PHTF2: variants seen among roughly 807,000 people sequenced by gnomAD.
PHTF2 encodes the protein putative homeodomain transcription factor 2, also known as protein PHTF2.
PHTF2 carries 60 observed loss-of-function variants against 101.2 expected under a neutral mutation model. The observed-to-expected ratio is 0.59, with a 90% CI of 0.48 to 0.73. The LOEUF (loss-of-function observed/expected upper bound fraction) is 0.73. Ranked by LOEUF, PHTF2 falls within the 30% of genes least tolerant of loss-of-function variation. The pLI is 0.00. For missense variants in PHTF2, 747 were observed against 908.7 expected (o/e 0.82, Z 2.29); for synonymous variants, 311 against 307.3 (o/e 1.01, Z -0.13).
intron 19 of PHTF2, among the ~76,000 whole-genome samples, chr7:77,954,630 A>ATAAACAAGTACTGGC (rs1806855828): frequency 6.9e-6 from 1 of 145,084 alleles, no homozygotes; most frequent in Non-Finnish European, 1.5e-5. Flanking sequence ...ATATATATAT[A>ATAAACAAGTACTGGC]TATATATATA....
At chr7:77,937,871 G>C (rs1485867477) in intron 13 of PHTF2, 33 bp downstream of exon 12, 2 of 1,219,026 alleles carry the variant, frequency 1.6e-6, no homozygotes, top group East Asian at 2.7e-5. Context: ...TGTAGTTCAA[G>C]GGTAAGACTT....
chr7:77,891,356 C>G lies in PHTF2; in HGVS notation c.148-2252C>G, dbSNP rs1408931495. On this transcript the variant is annotated intron_variant, in intron 3 of 19. Coordinates refer to ENST00000416283, the Ensembl canonical transcript of PHTF2. ...CCTTTTCTGATTTTAAGGAAGATGA[C>G]TGATTGATTGAATTTATAATTTAAG... Among the ~76,000 whole-genome samples the G allele has an allele frequency of 2.0e-5, 3 of 152,140 alleles. No individual in the cohort carries two copies. In the South Asian group the frequency reaches 6.2e-4, roughly 31 times the overall value.
rs11403130 is a variant in PHTF2 at position 77,928,486 on chromosome 7, TA to T, written c.1120-612del. 1.6e-3 allele frequency among the ~76,000 whole-genome samples: 228 copies of T among 146,436 alleles called. 2 individuals are homozygous for T. In the East Asian group the frequency reaches 0.019, roughly 12 times the overall value. ...AACAGTAGATAAATCCACTCTTGCTTAAAAAAAAAAAGACTAGAATAAGAAA... is the reference window on the plus strand; with the variant it reads ...AACAGTAGATAAATCCACTCTTGCTTAAAAAAAAAAGACTAGAATAAGAAA... On this transcript the variant is annotated intron_variant, in intron 11 of 19. Transcript: ENST00000416283.
chr7:77,919,616 A>G (rs936596452), intron 9 of PHTF2, among the ~76,000 whole-genome samples: 1 of 151,646 alleles, frequency 6.6e-6, no homozygotes, highest in African/African-American at 2.4e-5. Context: ...TTATGTGTTG[A>G]AAAAAAAATT....
At chr7:77,902,023 A>G (rs1801438646) in intron 7 of PHTF2, 103 bp downstream of exon 6, 3 of 496,844 alleles carry the variant, frequency 6.0e-6, no homozygotes, top group Non-Finnish European at 1.0e-5. Context: ...AGTATGATGT[A>G]TAAGTATGTT....
rs180741131 is a variant in PHTF2 at position 77,880,259 on chromosome 7, G to A, written c.148-13349G>A. Among the ~76,000 whole-genome samples, 29 of 152,168 alleles carry A rather than the reference G, an allele frequency of 1.9e-4. 1 individual carries two copies. The East Asian group carries it at 2.7e-3, about 14-fold the overall frequency. ...ATTCCCCTGTTTACAAATAGCATTC[G>A]TTAAGTTGTCAAACTAATCTTTTAT... is the stretch of plus-strand genomic sequence containing the variant. On this transcript the variant is annotated intron_variant, in intron 3 of 19. Transcript: ENST00000416283.
chr7:77,882,063 A>G (rs926649666), intron 3 of PHTF2, among the ~76,000 whole-genome samples: 1 of 152,194 alleles, frequency 6.6e-6, no homozygotes, highest in Non-Finnish European at 1.5e-5. Flanking sequence ...GAGCTTGATC[A>G]GGATTCGTGA....
chr7:77,854,966 C>A (rs138628707), intron 3 of PHTF2: 1 of 584,352 alleles, frequency 1.7e-6, no homozygotes, highest in African/African-American at 1.9e-5. Flanking sequence ...GGTGTTCTAC[C>A]CTACTGTGGC....
At chr7:77,823,979 G>C (rs1794508503) in intron 1 of PHTF2, among the ~76,000 whole-genome samples, 1 of 152,206 alleles carries the variant, frequency 6.6e-6, no homozygotes, top group African/African-American at 2.4e-5. Context: ...AACAATAATA[G>C]ATTGTTAGTG....
At chr7:77,950,094 A>G (rs562329542) in intron 17 of PHTF2, among the ~76,000 whole-genome samples, 3 of 152,236 alleles carry the variant, frequency 2.0e-5, no homozygotes, top group Non-Finnish European at 4.4e-5. Context: ...ATTTTAAACT[A>G]TGAATGGGAC....
chr7:77,875,690 T>G (rs1377411404), intron 3 of PHTF2, among the ~76,000 whole-genome samples: 2 of 152,100 alleles, frequency 1.3e-5, no homozygotes, highest in African/African-American at 4.8e-5. Context: ...CCCGAGTAGC[T>G]GGGACTACAG....
At chr7:77,851,882 T>C (rs1796791528) in intron 2 of PHTF2, among the ~76,000 whole-genome samples, 1 of 152,224 alleles carries the variant, frequency 6.6e-6, no homozygotes, top group Non-Finnish European at 1.5e-5. Context: ...CTGCTTTCAC[T>C]GTATCTCATA....
At chr7:77,942,118 G>A (rs1485140479) in intron 15 of PHTF2, among the ~76,000 whole-genome samples, 1 of 152,036 alleles carries the variant, frequency 6.6e-6, no homozygotes, top group Non-Finnish European at 1.5e-5. Context: ...GTGCCATCAT[G>A]CCCCTGCCCC....
At chr7:77,817,018 G>T in intron 1 of PHTF2, among the ~76,000 whole-genome samples, 1 of 152,174 alleles carries the variant, frequency 6.6e-6, no homozygotes, top group East Asian at 1.9e-4. Flanking sequence ...GAATAGTGCT[G>T]CAATAAACAT....
chr7:77,936,838 C>G (rs1805183079), intron 12 of PHTF2, among the ~76,000 whole-genome samples: 1 of 151,700 alleles, frequency 6.6e-6, no homozygotes, highest in South Asian at 2.1e-4. Context: ...TTGTTGCCAT[C>G]ATTAACTCAA....
chr7:77,873,767 G>A (rs980488681), intron 3 of PHTF2, among the ~76,000 whole-genome samples: 1 of 152,154 alleles, frequency 6.6e-6, no homozygotes, highest in Non-Finnish European at 1.5e-5. Flanking sequence ...CCTCCCACAC[G>A]TCTCCATTCC....
chr7:77,827,239 AG>A (rs1346556054), intron 1 of PHTF2, among the ~76,000 whole-genome samples: 2 of 152,188 alleles, frequency 1.3e-5, no homozygotes, highest in Non-Finnish European at 2.9e-5. Context: ...AAATGTTAGG[AG>A]GAACTTTTAA....
intron 3 of PHTF2, among the ~76,000 whole-genome samples, chr7:77,873,475 G>A (rs1177233753): frequency 3.9e-5 from 6 of 152,128 alleles, no homozygotes; most frequent in Admixed American, 6.5e-5. Flanking sequence ...TCTAGGGGCC[G>A]GCTGGGACTT....
At chr7:77,845,994 T>C (rs1796252868) in intron 2 of PHTF2, among the ~76,000 whole-genome samples, 1 of 152,200 alleles carries the variant, frequency 6.6e-6, no homozygotes, top group African/African-American at 2.4e-5. Context: ...TAGAGTTGGC[T>C]TATTCCTTCC....
Sources: gnomAD v4.1 joint callset for allele counts (sites outside exome capture counted in the v4.1 genomes callset) on GRCh38, gnomAD v4.1.1 for gene constraint, MANE v1.5 for transcripts, NCBI Gene and HGNC (gene_info 2026-07-23, HGNC 2026-07-21) for gene names.